Variants in PCDH15 observed in about 807,000 individuals in gnomAD.
PCDH15 encodes protocadherin-15.
In PCDH15, 129 loss-of-function variants were observed where a neutral mutation model predicts 178.5. The ratio of observed to expected loss-of-function variants is 0.72; its 90% confidence interval spans 0.63 to 0.84. The LOEUF is 0.84. Among genes scored for constraint, PCDH15 ranks in the 40% least tolerant of loss-of-function variants. The probability of loss-of-function intolerance (pLI) is 0.00; values close to 1 mark genes in which losing one functional copy is unlikely to be tolerated. For synonymous variants in PCDH15, 800 were observed against 732.0 expected (o/e 1.09, Z -1.50); for missense variants, 2,230 against 2,099.9 (o/e 1.06, Z -1.21).
chr10:54,883,927 T>G (rs531387466), intron 3 of PCDH15, among the ~76,000 whole-genome samples: 1 of 152,158 alleles, frequency 6.6e-6, no homozygotes, highest in Non-Finnish European at 1.5e-5. Flanking sequence ...TAAGTTGTAG[T>G]CCTTATTGGT....
At chr10:54,768,763 A>G (rs1368634239) in intron 1 of PCDH15, among the ~76,000 whole-genome samples, 3 of 152,136 alleles carry the variant, frequency 2.0e-5, no homozygotes, top group Non-Finnish European at 4.4e-5. Flanking sequence ...AGTGCCTTAC[A>G]TGGTGTATCC....
chr10:54,097,404 A>G (rs974071098), intron 15 of PCDH15, among the ~76,000 whole-genome samples: 2 of 152,176 alleles, frequency 1.3e-5, no homozygotes, highest in Non-Finnish European at 2.9e-5. Context: ...ACTTTTCCTC[A>G]GATACAACCA....
At chr10:53,913,872 A>T (rs1298874574) in intron 25 of PCDH15, among the ~76,000 whole-genome samples, 2 of 152,224 alleles carry the variant, frequency 1.3e-5, no homozygotes, top group Non-Finnish European at 2.9e-5. Context: ...TATCTGACAA[A>T]GGGCTAACAT....
rs71004480 is a variant in PCDH15 at position 53,828,207 on chromosome 10, C to CAA, written c.4211+356_4211+357dup. Among the ~76,000 whole-genome samples the CAA allele has an allele frequency of 1.9e-3, 103 of 53,774 alleles. 1 individual carries two copies. The highest frequency in any genetic ancestry group is 0.021 in the Middle Eastern group (1 of 48). The allele number at this position is 53,774 out of a possible 152,430, so 35.3% of individuals were successfully genotyped here. The stretch of plus-strand genomic sequence containing the variant: ...GCCAACAAGAGCAAAAAGTCCGTCT[C>CAA]AAAAAAAAAAAAAAAAAAAAAAAAA... On this transcript the variant is annotated intron_variant, in intron 31 of 37. Coordinates refer to ENST00000644397, the MANE Select transcript of PCDH15 (RefSeq NM_001384140.1).
intron 14 of PCDH15, among the ~76,000 whole-genome samples, chr10:54,141,702 C>T (rs1590749255): frequency 7.5e-6 from 1 of 132,688 alleles, no homozygotes; most frequent in African/African-American, 3.7e-5. Context: ...AAAATTGTGA[C>T]ACTTTGTTGT....
chr10:54,568,482 A>G (rs1221248391), intron 2 of PCDH15: 1 of 152,130 alleles, frequency 6.6e-6, no homozygotes, highest in African/African-American at 2.4e-5. Flanking sequence ...GTCTTCAACA[A>G]ATAGTATGCT....
chr10:53,850,771 TTC>T (rs2078305385), intron 28 of PCDH15, among the ~76,000 whole-genome samples: 1 of 152,208 alleles, frequency 6.6e-6, no homozygotes, highest in Non-Finnish European at 1.5e-5. Flanking sequence ...TTCATGGCAA[TTC>T]TCTGTTGATA....
At chr10:55,402,507 T>C (rs1042704587) in intron 2 of PCDH15, among the ~76,000 whole-genome samples, 8 of 151,940 alleles carry the variant, frequency 5.3e-5, no homozygotes, top group African/African-American at 1.9e-4. Flanking sequence ...TAACCAACCT[T>C]TCCTCTCTCT....
At chr10:54,045,307 G>T (rs769314994) in intron 18 of PCDH15, among the ~76,000 whole-genome samples, 3 of 152,094 alleles carry the variant, frequency 2.0e-5, no homozygotes, top group African/African-American at 4.8e-5. Flanking sequence ...GAAGACCGGG[G>T]TGATGTTTTC....
intron 2 of PCDH15, among the ~76,000 whole-genome samples, chr10:54,646,741 G>T (rs2135100971): frequency 6.6e-6 from 1 of 151,904 alleles, no homozygotes; most frequent in African/African-American, 2.4e-5. Context: ...AATTTTTAAT[G>T]CACTAATCAT....
intron 26 of PCDH15, among the ~76,000 whole-genome samples, chr10:53,877,512 T>A (rs2080332927): frequency 6.6e-6 from 1 of 152,194 alleles, no homozygotes; most frequent in Non-Finnish European, 1.5e-5. Context: ...TTATACATCC[T>A]AAATCCTTCA....
chr10:54,468,856 T>C (rs1322462002), intron 3 of PCDH15, among the ~76,000 whole-genome samples: 2 of 152,314 alleles, frequency 1.3e-5, no homozygotes, highest in East Asian at 3.9e-4. Flanking sequence ...ATATTTACAG[T>C]TGTTATATTC....
chr10:54,877,855 T>C (rs1458103352), intron 3 of PCDH15, among the ~76,000 whole-genome samples: 1 of 151,704 alleles, frequency 6.6e-6, no homozygotes, highest in Non-Finnish European at 1.5e-5. Flanking sequence ...GCAGAGCATA[T>C]TGACAGCATT....
intron 1 of PCDH15, among the ~76,000 whole-genome samples, chr10:54,725,244 T>G (rs1304419323): frequency 6.6e-6 from 1 of 151,110 alleles, no homozygotes; most frequent in Non-Finnish European, 1.5e-5. Context: ...GTAAAAATAT[T>G]TACATTATAG....
chr10:54,915,672 TA>T (rs552050152), intron 2 of PCDH15, among the ~76,000 whole-genome samples: 1 of 152,156 alleles, frequency 6.6e-6, no homozygotes, highest in Non-Finnish European at 1.5e-5. Flanking sequence ...GAAAATCAAG[TA>T]TATTTCAAGG....
chr10:53,943,214 C>A (rs371040772), intron 23 of PCDH15, among the ~76,000 whole-genome samples: 4 of 151,934 alleles, frequency 2.6e-5, no homozygotes, highest in African/African-American at 4.8e-5. Context: ...TCGGGCCGGG[C>A]GCGGTGGCTC....
At chr10:55,293,454 C>A (rs539264061) in intron 1 of PCDH15, among the ~76,000 whole-genome samples, 1 of 152,308 alleles carries the variant, frequency 6.6e-6, no homozygotes, top group East Asian at 1.9e-4. Flanking sequence ...ACTTGAATTT[C>A]TCCTCAGAAA....
intron 26 of PCDH15, 29 bp from the exon 27 acceptor site, chr10:53,866,886 A>G: frequency 6.8e-7 from 1 of 1,468,036 alleles, no homozygotes; most frequent in Non-Finnish European, 9.5e-7. Flanking sequence ...AAAAGAGATT[A>G]TAATTAAGCA....
intron 26 of PCDH15, among the ~76,000 whole-genome samples, chr10:53,874,106 T>TTTTTG (rs1341585165): frequency 2.6e-5 from 4 of 152,180 alleles, no homozygotes; most frequent in Admixed American, 2.6e-4. Context: ...ACCATAGTAC[T>TTTTTG]GATGGGAGCT....
Sources: gnomAD v4.1 joint callset for allele counts (sites outside exome capture counted in the v4.1 genomes callset) on GRCh38, gnomAD v4.1.1 for gene constraint, MANE v1.5 for transcripts, NCBI Gene and HGNC (gene_info 2026-07-23, HGNC 2026-07-21) for gene names.